The following EYS variants were observed in gnomAD, a reference collection of about 807,000 sequenced individuals.
EYS encodes protein eyes shut homolog.
EYS carries 250 observed loss-of-function variants against 282.1 expected under a neutral mutation model. The ratio of observed to expected loss-of-function variants is 0.89; its 90% CI spans 0.80 to 0.98. EYS has a LOEUF of 0.98. Ranked by LOEUF, EYS falls within the 50% of genes least tolerant of loss-of-function variation. EYS has a pLI of 0.00. For synonymous variants in EYS, 1,355 were observed against 1,282.9 expected, an observed-to-expected ratio of 1.06 and a Z score of -1.20; for missense variants, 4,016 against 3,709.0, an observed-to-expected ratio of 1.08 and a Z score of -2.15.
intron 22 of EYS, among the ~76,000 whole-genome samples, chr6:64,676,396 G>T (rs994258664): frequency 5.7e-4 from 85 of 149,644 alleles, no homozygotes; most frequent in African/African-American, 1.9e-3. Flanking sequence ...CAAGAAGAGA[G>T]GAGCATTATA....
chr6:64,879,445 G>T (rs1350574270), intron 19 of EYS, among the ~76,000 whole-genome samples: 1 of 146,542 alleles, frequency 6.8e-6, no homozygotes, highest in East Asian at 2.6e-4. Flanking sequence ...GCACATACAC[G>T]CAGAAAAAAG....
At position 64,230,692 on chromosome 6, in the gene EYS, G is replaced by A. The variant is rs1469992138; in HGVS notation, c.6324C>T (p.Cys2108=). ...AAPSVCQQDV[C]HNGGTCHAIF... ...TGGCATGGCATGTGCCTCCATTGTG[G>A]CATACATCCTGCTGGCACACAGAGG... The change falls in exon 31 of 43, where the codon TGC becomes TGT. Residue 2108 remains cysteine (C), a synonymous_variant. Transcript: ENST00000503581. 1 of 1,551,564 alleles carries A rather than the reference G, an allele frequency of 6.4e-7. No individual in the cohort carries two copies. Among genetic ancestry groups the A allele is most frequent in the African/African-American group, 1.4e-5 (1 of 73,146 alleles).
At chr6:65,102,025 A>C (rs1373902992) in intron 12 of EYS, among the ~76,000 whole-genome samples, 1 of 151,264 alleles carries the variant, frequency 6.6e-6, no homozygotes, top group Non-Finnish European at 1.5e-5. Flanking sequence ...CATACCTGCT[A>C]TTTTCCCACT....
At position 65,501,038 on chromosome 6, in the gene EYS, T is replaced by A. The variant is rs192322006; in HGVS notation, c.-332-5045A>T. Among the ~76,000 whole-genome samples the A allele has an allele frequency of 1.3e-4, 20 of 152,134 alleles. No individual in the cohort carries two copies. The East Asian group carries it at 3.9e-3, about 29-fold the overall frequency. Reference sequence around the variant, plus strand: ...GATTAAATTTAATATGTCAGTATTTTAAAAATATTTTCCTTTTTAATCCAC... The same window carrying A: ...GATTAAATTTAATATGTCAGTATTTAAAAAATATTTTCCTTTTTAATCCAC... On this transcript the variant is annotated intron_variant, in intron 2 of 42. Transcript: ENST00000503581.
chr6:64,916,725 T>C (rs555942018), intron 15 of EYS, among the ~76,000 whole-genome samples: 21 of 152,296 alleles, frequency 1.4e-4, no homozygotes, highest in Admixed American at 2.6e-4. Context: ...ACCGTGTGAC[T>C]TTTTGAGTGT....
intron 11 of EYS, among the ~76,000 whole-genome samples, chr6:65,323,024 C>T (rs1016712074): frequency 8.6e-5 from 13 of 151,532 alleles, no homozygotes; most frequent in African/African-American, 2.9e-4. Context: ...TTTTAACATA[C>T]TTATTTTCTT....
intron 28 of EYS, among the ~76,000 whole-genome samples, chr6:64,408,210 TAAG>T (rs766110476): frequency 1.6e-4 from 24 of 151,996 alleles, no homozygotes; most frequent in Non-Finnish European, 2.8e-4. Flanking sequence ...TAATGAGTAA[TAAG>T]AAATGTTTTC....
chr6:64,131,300 T>C (rs1773970975), intron 31 of EYS, among the ~76,000 whole-genome samples: 1 of 152,260 alleles, frequency 6.6e-6, no homozygotes, highest in African/African-American at 2.4e-5. Flanking sequence ...CAGTTGTAAG[T>C]CATTTATATG....
At chr6:63,739,347 GGGAGCTCTGGAGCTCCCT>G (rs974782859) in intron 41 of EYS, among the ~76,000 whole-genome samples, 49 of 152,258 alleles carry the variant, frequency 3.2e-4, no homozygotes, top group African/African-American at 1.2e-3. Context: ...TGATTTCACA[GGGAGCTCTGGAGCTCCCT>G]GGAGCTCTTT....
chr6:65,249,683 C>T (rs1243940776), intron 12 of EYS, among the ~76,000 whole-genome samples: 1 of 151,872 alleles, frequency 6.6e-6, no homozygotes, highest in African/African-American at 2.4e-5. Context: ...CATTAAAACA[C>T]ATTTATTGTG....
At chr6:64,280,189 A>G (rs1768255584) in intron 30 of EYS, among the ~76,000 whole-genome samples, 1 of 152,178 alleles carries the variant, frequency 6.6e-6, no homozygotes, top group African/African-American at 2.4e-5. Context: ...TAAATTAGGA[A>G]TGTATATGTC....
At chr6:65,118,620 G>A (rs1775445962) in intron 12 of EYS, among the ~76,000 whole-genome samples, 1 of 152,170 alleles carries the variant, frequency 6.6e-6, no homozygotes, top group Non-Finnish European at 1.5e-5. Context: ...TGTGAATTGT[G>A]TCATCTGCAC....
chr6:64,005,145 A>G (rs976482446), intron 33 of EYS, among the ~76,000 whole-genome samples: 1 of 152,156 alleles, frequency 6.6e-6, no homozygotes, highest in Non-Finnish European at 1.5e-5. Context: ...TGACTTTTTA[A>G]TAATAGCCAT....
Position 64,523,376 on chromosome 6 carries a change from T to C in EYS, c.5644+66847A>G, listed in dbSNP as rs1449155225. 2.0e-5 allele frequency among the ~76,000 whole-genome samples: 3 copies of C among 151,936 alleles called. No individual in the cohort carries two copies. The East Asian group carries it at 5.8e-4, about 29-fold the overall frequency. On this transcript the variant is annotated intron_variant, in intron 26 of 42. Coordinates refer to ENST00000503581, the MANE Select transcript of EYS (RefSeq NM_001142800.2). ...TTCAATTTGATTAGAGTTTCTGAAATGAATACTTAGATTCAAATAACTATC... is the reference window on the plus strand; with the variant it reads ...TTCAATTTGATTAGAGTTTCTGAAACGAATACTTAGATTCAAATAACTATC...
intron 2 of EYS, among the ~76,000 whole-genome samples, 178 bp downstream of exon 2, chr6:65,639,600 G>T (rs1264895431): frequency 1.3e-5 from 2 of 152,116 alleles, no homozygotes; most frequent in Admixed American, 1.3e-4. Flanking sequence ...GTGAATTTAA[G>T]AGGTAGGAAC....
At chr6:64,509,711 A>G (rs887234018) in intron 26 of EYS, among the ~76,000 whole-genome samples, 1 of 152,166 alleles carries the variant, frequency 6.6e-6, no homozygotes, top group African/African-American at 2.4e-5. Flanking sequence ...GCAACTCTCT[A>G]TCATACAAAA....
intron 22 of EYS, among the ~76,000 whole-genome samples, chr6:64,768,547 C>T (rs2149984048): frequency 6.6e-6 from 1 of 152,138 alleles, no homozygotes; most frequent in African/African-American, 2.4e-5. Flanking sequence ...TAGGGGTCAC[C>T]CTATGAAAGG....
intron 12 of EYS, among the ~76,000 whole-genome samples, chr6:65,175,403 A>G (rs887738796): frequency 2.6e-5 from 4 of 151,416 alleles, no homozygotes; most frequent in Non-Finnish European, 5.9e-5. Flanking sequence ...AAGGTAAATA[A>G]TGAAGACAGA....
chr6:65,247,225 A>G (rs981053342), intron 12 of EYS, among the ~76,000 whole-genome samples: 7 of 151,980 alleles, frequency 4.6e-5, no homozygotes, highest in African/African-American at 1.2e-4. Context: ...AGTCCCTTTC[A>G]GGTTCATGAA....
Sources: allele counts gnomAD v4.1 joint callset (sites outside exome capture counted in the v4.1 genomes callset), GRCh38; gene constraint gnomAD v4.1.1; transcripts MANE v1.5; gene names NCBI Gene and HGNC (gene_info 2026-07-23, HGNC 2026-07-21).